The following CSMD1 variants were observed in gnomAD, a reference collection of about 807,000 sequenced individuals.
The protein encoded by CSMD1 is CUB and Sushi multiple domains 1, also known as CUB and sushi domain-containing protein 1.
In CSMD1, 213 loss-of-function variants were observed where a neutral mutation model predicts 417.5. The ratio of observed to expected loss-of-function variants is 0.51; its 90% CI spans 0.46 to 0.57. CSMD1 has a LOEUF of 0.57. CSMD1 is among the 20% of genes least tolerant of loss of function. CSMD1 has a pLI of 0.00. For missense variants in CSMD1, 6,923 were observed against 4,529.7 expected (o/e 1.53, Z -15.17); for synonymous variants, 2,862 against 1,736.8 (o/e 1.65, Z -16.11).
chr8:3,975,978 T>C (rs1233157335), intron 5 of CSMD1, among the ~76,000 whole-genome samples: 12 of 152,298 alleles, frequency 7.9e-5, no homozygotes, highest in African/African-American at 2.9e-4. Context: ...CAGTTTTTAA[T>C]CTATCAGTTT....
chr8:4,178,617 A>G (rs1264933294), intron 3 of CSMD1, among the ~76,000 whole-genome samples: 2 of 151,970 alleles, frequency 1.3e-5, no homozygotes, highest in Non-Finnish European at 1.5e-5. Context: ...AGGGTATTCA[A>G]TTAGGAAAAG....
At position 3,464,360 on chromosome 8, in the gene CSMD1, C is replaced by G. The variant is rs190569050; in HGVS notation, c.1561+4352G>C. Among the ~76,000 whole-genome samples the G allele has an allele frequency of 1.9e-3, 284 of 152,220 alleles. 2 individuals carry two copies. The highest frequency in any genetic ancestry group is 6.4e-3 in the African/African-American group (266 of 41,558). ...TTGCTTCTTGTTAACTTCCTCATGG[C>G]TAGAAGCTGCAGTGGTTATGAGGGA... On this transcript the variant is annotated intron_variant, in intron 12 of 69. Coordinates refer to ENST00000635120, the MANE Select transcript of CSMD1 (RefSeq NM_033225.6).
intron 46 of CSMD1, among the ~76,000 whole-genome samples, chr8:3,104,773 T>C (rs947954268): frequency 6.6e-6 from 1 of 150,528 alleles, no homozygotes; most frequent in Admixed American, 6.7e-5. Context: ...AATGGCAAGA[T>C]CTCGGCTCAC....
At chr8:4,502,868 G>T (rs1802328593) in intron 2 of CSMD1, among the ~76,000 whole-genome samples, 1 of 152,082 alleles carries the variant, frequency 6.6e-6, no homozygotes, top group Non-Finnish European at 1.5e-5. Context: ...TCTTTTGAAA[G>T]AAAAAGTTTG....
intron 3 of CSMD1, among the ~76,000 whole-genome samples, chr8:4,241,699 T>C (rs1424903804): frequency 2.1e-5 from 2 of 95,178 alleles, no homozygotes; most frequent in Admixed American, 1.2e-4. Context: ...TTGGAGTGAT[T>C]TTTTTTTTCT....
chr8:4,595,559 A>G (rs1800228220), intron 2 of CSMD1, among the ~76,000 whole-genome samples: 1 of 152,070 alleles, frequency 6.6e-6, no homozygotes, highest in African/African-American at 2.4e-5. Context: ...CACAGAAACC[A>G]TACATTCTCA....
At chr8:3,228,720 C>A (rs1798657996) in intron 27 of CSMD1, among the ~76,000 whole-genome samples, 1 of 151,598 alleles carries the variant, frequency 6.6e-6, no homozygotes, top group Non-Finnish European at 1.5e-5. Context: ...AAGGGATTAA[C>A]TCGTAGTTAT....
intron 7 of CSMD1, among the ~76,000 whole-genome samples, chr8:3,707,597 A>G (rs1295279676): frequency 6.6e-6 from 1 of 152,202 alleles, no homozygotes. Context: ...CCCTCAGTGA[A>G]GCTGGTACCC....
rs1249216740 is a variant in CSMD1 at position 3,439,137 on chromosome 8, AAAAAAAAAAAAAAAAC to A, written c.1562-29548_1562-29533del. Among the ~76,000 whole-genome samples the A allele has an allele frequency of 5.8e-4, 75 of 129,026 alleles. 3 individuals carry two copies. Among genetic ancestry groups the A allele is most frequent in the African/African-American group, 2.3e-3 (72 of 30,712 alleles). 84.6% of individuals were successfully genotyped at this position (129,026 alleles called of 152,430 possible). A position where few individuals can be genotyped will look rare whatever the true frequency, so the allele number is the denominator to read the frequency against. On this transcript the variant is annotated intron_variant, in intron 12 of 69. Transcript: ENST00000635120. ...GACTCCATCTCAAAAAAAAAAAAAA[AAAAAAAAAAAAAAAAC>A]CAAGAAAAAAAAAAGAAAAAGAAAA... is the stretch of plus-strand genomic sequence containing the variant.
chr8:3,352,158 G>A (rs1161251606), intron 21 of CSMD1, among the ~76,000 whole-genome samples: 1 of 152,130 alleles, frequency 6.6e-6, no homozygotes, highest in Admixed American at 6.5e-5. Context: ...CATGGGTGGG[G>A]AAGGAATGCC....
intron 3 of CSMD1, among the ~76,000 whole-genome samples, chr8:4,187,210 T>G (rs1249527381): frequency 1.3e-5 from 2 of 152,144 alleles, no homozygotes; most frequent in Admixed American, 1.3e-4. Flanking sequence ...TGGATTCTGT[T>G]CAGAGAAAAA....
intron 10 of CSMD1, among the ~76,000 whole-genome samples, chr8:3,546,438 A>C (rs1798667767): frequency 1.3e-5 from 2 of 152,136 alleles, no homozygotes; most frequent in South Asian, 2.1e-4. Flanking sequence ...TGGGAGGCTG[A>C]GGCAGGAGAA....
chr8:3,831,753 G>T (rs143967216), intron 5 of CSMD1, among the ~76,000 whole-genome samples: 1 of 152,092 alleles, frequency 6.6e-6, no homozygotes, highest in South Asian at 2.1e-4. Flanking sequence ...TCTCGGATGG[G>T]TAGCACAACA....
At chr8:4,518,179 G>A (rs1333549719) in intron 2 of CSMD1, among the ~76,000 whole-genome samples, 2 of 152,082 alleles carry the variant, frequency 1.3e-5, no homozygotes, top group Admixed American at 6.6e-5. Flanking sequence ...AGTATGGCAC[G>A]AATGATATTC....
intron 1 of CSMD1, among the ~76,000 whole-genome samples, chr8:4,663,664 C>A (rs1185615357): frequency 6.6e-6 from 1 of 152,208 alleles, no homozygotes; most frequent in Non-Finnish European, 1.5e-5. Flanking sequence ...TTCCCTGAGA[C>A]CTCCCCAGCC....
chr8:4,748,241 C>T (rs976227299), intron 1 of CSMD1, among the ~76,000 whole-genome samples: 1 of 152,224 alleles, frequency 6.6e-6, no homozygotes, highest in South Asian at 2.1e-4. Context: ...AAAAGCAATT[C>T]AAGCAACCGA....
At chr8:4,041,319 G>C (rs984355207) in intron 3 of CSMD1, among the ~76,000 whole-genome samples, 11 of 152,150 alleles carry the variant, frequency 7.2e-5, no homozygotes, top group African/African-American at 2.4e-4. Flanking sequence ...GCCTGGCCGG[G>C]CCTTTGCCAT....
intron 1 of CSMD1, among the ~76,000 whole-genome samples, chr8:4,730,707 C>CCGCAG (rs1809792469): frequency 1.3e-5 from 2 of 151,570 alleles, no homozygotes; most frequent in African/African-American, 4.9e-5. Context: ...TGCCACTGCA[C>CCGCAG]TCCAGCCTGG....
Position 3,831,885 on chromosome 8 carries a change from A to G in CSMD1, c.819-77843T>C, listed in dbSNP as rs116717610. Among the ~76,000 whole-genome samples, 217 of 152,290 alleles carry G rather than the reference A, an allele frequency of 1.4e-3. 2 individuals carry two copies. Among genetic ancestry groups the G allele is most frequent in the African/African-American group, 5.1e-3 (214 of 41,572 alleles). On this transcript the variant is annotated intron_variant, in intron 5 of 69. Coordinates refer to ENST00000635120, the MANE Select transcript of CSMD1 (RefSeq NM_033225.6). ...GCATCTTTGTGATTCAGGTCATACA[A>G]TATGGTAACCCAGAAATATCAAGAC...
Sources: allele counts gnomAD v4.1 joint callset (sites outside exome capture counted in the v4.1 genomes callset), GRCh38; gene constraint gnomAD v4.1.1; transcripts MANE v1.5; gene names NCBI Gene and HGNC (gene_info 2026-07-23, HGNC 2026-07-21).